Variants in CAAP1 observed in about 807,000 individuals in gnomAD.
CAAP1 encodes the protein conserved anti-apoptotic protein.
Under a neutral mutation model 34.0 loss-of-function variants are expected in CAAP1, and 20 were observed. That is an observed-to-expected ratio of 0.59 (90% CI 0.41 to 0.86). The LOEUF (loss-of-function observed/expected upper bound fraction) is 0.86, where lower values mean the gene tolerates loss of function less well. CAAP1 is among the 40% of genes least tolerant of loss of function. The pLI is 0.00. For synonymous variants in CAAP1, 213 were observed against 166.7 expected (o/e 1.28, Z -2.14); for missense variants, 538 against 450.5 (o/e 1.19, Z -1.76).
At chr9:26,892,297 A>G in intron 1 of CAAP1, 116 bp downstream of exon 1, 1 of 1,538,580 alleles carries the variant, frequency 6.5e-7, no homozygotes, top group Non-Finnish European at 8.7e-7. Flanking sequence ...AGGACGGACG[A>G]CCTTGAGATT....
rs1285752944 is a variant in CAAP1 at position 26,846,438 on chromosome 9, A to G, written c.740-3791T>C. On this transcript the variant is annotated intron_variant, in intron 5 of 5. Coordinates refer to ENST00000333916, the MANE Select transcript of CAAP1 (RefSeq NM_024828.4). ...CTCAAAAAAAAAAAAAAAAAAAAAA[A>G]AGAAGAAGAAAAAAAAGAAAAAAGA... Among the ~76,000 whole-genome samples, 707 of 140,042 alleles carry G rather than the reference A, an allele frequency of 5.0e-3. 3 individuals are homozygous for G. The highest frequency in any genetic ancestry group is 0.02 in the African/African-American group (674 of 34,140). The allele number at this position is 140,042 out of a possible 152,430, so 91.9% of individuals were successfully genotyped here.
At chr9:26,869,051 T>C (rs1823209424) in intron 4 of CAAP1, among the ~76,000 whole-genome samples, 1 of 152,142 alleles carries the variant, frequency 6.6e-6, no homozygotes, top group Non-Finnish European at 1.5e-5. Context: ...AAATGTCTAA[T>C]ATACTGAAAA....
chr9:26,844,403 ATTAACT>A (rs1159056313), intron 5 of CAAP1, among the ~76,000 whole-genome samples: 1 of 152,220 alleles, frequency 6.6e-6, no homozygotes, highest in Non-Finnish European at 1.5e-5. Context: ...GCCTCAAAAA[ATTAACT>A]TTAGTGTCTC....
At chr9:26,858,404 T>C (rs1822922373) in intron 5 of CAAP1, among the ~76,000 whole-genome samples, 1 of 152,236 alleles carries the variant, frequency 6.6e-6, no homozygotes, top group Non-Finnish European at 1.5e-5. Context: ...TTAATATTTA[T>C]CTGGAAGATG....
At chr9:26,861,399 T>C (rs903011414) in intron 4 of CAAP1, among the ~76,000 whole-genome samples, 3 of 152,174 alleles carry the variant, frequency 2.0e-5, no homozygotes, top group African/African-American at 7.2e-5. Context: ...ATGGAAGTAA[T>C]TTTTTCTCCC....
At chr9:26,884,167 C>T (rs552181121) in intron 4 of CAAP1, among the ~76,000 whole-genome samples, 1 of 152,190 alleles carries the variant, frequency 6.6e-6, no homozygotes, top group African/African-American at 2.4e-5. Flanking sequence ...TTGGAAACTA[C>T]CAAAATAGTT....
At chr9:26,889,906 A>G (rs966035443) in intron 1 of CAAP1, among the ~76,000 whole-genome samples, 7 of 151,492 alleles carry the variant, frequency 4.6e-5, no homozygotes, top group Non-Finnish European at 5.9e-5. Context: ...TCAATACACA[A>G]CAGATATAAT....
At position 26,887,324 on chromosome 9, in the gene CAAP1, C is replaced by G; in HGVS notation, c.493G>C (p.Asp165His). ...GTGTAATGAAGTACCTTTAACACAT[C>G]AGGAAGCATCTTCTGTAACTTTTTC... ...GEKKLQKMLPDVLKNCSIEEI... is the reference protein window; with the variant it reads ...GEKKLQKMLPHVLKNCSIEEI... Residue 165 changes from aspartate (D) to histidine (H), a missense_variant, in exon 2 of 6, where the codon GAT becomes CAT. This residue lies in a region of CAAP1 where 514 missense variants were observed against 408.4 expected (regional missense o/e 1.26). Coordinates refer to ENST00000333916, the MANE Select transcript of CAAP1 (RefSeq NM_024828.4). The G allele has an allele frequency of 6.3e-7, 1 of 1,595,336 alleles. No homozygotes were observed. Among genetic ancestry groups the G allele is most frequent in the East Asian group, 2.2e-5 (1 of 44,784 alleles).
At position 26,858,353 on chromosome 9, in the gene CAAP1, T is replaced by C. The variant is rs117710018; in HGVS notation, c.739+2713A>G. On this transcript the variant is annotated intron_variant, in intron 5 of 5. Coordinates refer to ENST00000333916, the MANE Select transcript of CAAP1 (RefSeq NM_024828.4). Reference sequence around the variant, plus strand: ...TCTTGATATACCTCAGCTTGTTTGGTAACTTCAAGCAAGTTACTATCTAGT... The same window carrying C: ...TCTTGATATACCTCAGCTTGTTTGGCAACTTCAAGCAAGTTACTATCTAGT... 9.1e-4 allele frequency among the ~76,000 whole-genome samples: 138 copies of C among 152,350 alleles called. 1 individual carries two copies. In the East Asian group the frequency reaches 0.025, roughly 28 times the overall value.
At chr9:26,864,268 T>A (rs546347683) in intron 4 of CAAP1, among the ~76,000 whole-genome samples, 33 of 152,258 alleles carry the variant, frequency 2.2e-4, no homozygotes, top group South Asian at 2.1e-4. Context: ...ATGATTTTTT[T>A]AAAATCAGAG....
chr9:26,887,219 C>A (rs1462990117), intron 2 of CAAP1, 94 bp downstream of exon 2: 1 of 801,894 alleles, frequency 1.2e-6, no homozygotes, highest in Non-Finnish European at 1.9e-6. Context: ...CTCAAAAAAA[C>A]AAACAAACAA....
At chr9:26,857,049 T>C (rs1822886398) in intron 5 of CAAP1, among the ~76,000 whole-genome samples, 1 of 152,246 alleles carries the variant, frequency 6.6e-6, no homozygotes, top group South Asian at 2.1e-4. Context: ...AGATACTTGA[T>C]ATTTTAAAAA....
intron 4 of CAAP1, among the ~76,000 whole-genome samples, chr9:26,862,374 T>C (rs186342296): frequency 6.6e-6 from 1 of 152,068 alleles, no homozygotes; most frequent in Admixed American, 6.5e-5. Flanking sequence ...CATCCTAGAA[T>C]TGCATTTAAT....
rs1587128569 is a variant in CAAP1 at position 26,885,942 on chromosome 9, A to G, written c.589+162T>C. ...TCTATTCTTGAAACGCTTTTCTGAT[A>G]TGTAAACTATATTTTTTAGTGCAAA... On this transcript the variant is annotated intron_variant, in intron 3 of 5. Transcript: ENST00000333916. Among the ~76,000 whole-genome samples the G allele has an allele frequency of 2.6e-5, 4 of 152,298 alleles. No individual in the cohort carries two copies. In the South Asian group the frequency reaches 8.3e-4, roughly 32 times the overall value.
chr9:26,887,175 A>G, intron 2 of CAAP1, 138 bp downstream of exon 2: 1 of 546,584 alleles, frequency 1.8e-6, no homozygotes, highest in Non-Finnish European at 3.1e-6. Flanking sequence ...TCACGCCACC[A>G]CACTCCAGCC....
intron 4 of CAAP1, among the ~76,000 whole-genome samples, chr9:26,874,233 A>AAT (rs1823365028): frequency 2.8e-5 from 4 of 141,004 alleles, no homozygotes; most frequent in African/African-American, 1.0e-4. Context: ...AAAAAAAAAA[A>AAT]TTTTTTTTAC....
intron 4 of CAAP1, among the ~76,000 whole-genome samples, chr9:26,862,151 C>T (rs1045464507): frequency 2.6e-5 from 4 of 152,196 alleles, no homozygotes; most frequent in Non-Finnish European, 4.4e-5. Context: ...AGATTTTATT[C>T]GTTCACCAGA....
chr9:26,842,619 A>G lies in CAAP1; in HGVS notation c.768T>C (p.Ser256=), dbSNP rs747213165. Reference sequence around the variant, plus strand: ...CGCTGTCATAAGCATCTGCATTTATACTGAGTACATCACTATCTTCCCCTT... The same window carrying G: ...CGCTGTCATAAGCATCTGCATTTATGCTGAGTACATCACTATCTTCCCCTT... ...QGKGEDSDVL[S]INADAYDSDI... is the part of the protein sequence containing the mutation. Residue 256 remains serine (S), a synonymous_variant, in exon 6 of 6, where the codon AGT becomes AGC. Transcript: ENST00000333916. 1.9e-6 allele frequency: 3 copies of G among 1,613,372 alleles called. No homozygotes were observed. Among genetic ancestry groups the G allele is most frequent in the Non-Finnish European group, 2.5e-6 (3 of 1,179,738 alleles).
chr9:26,854,051 G>A (rs1272197044), intron 5 of CAAP1, among the ~76,000 whole-genome samples: 1 of 152,098 alleles, frequency 6.6e-6, no homozygotes, highest in Non-Finnish European at 1.5e-5. Context: ...TACAAGTTAC[G>A]TAAAGGCATA....
Sources: allele counts gnomAD v4.1 joint callset (sites outside exome capture counted in the v4.1 genomes callset), GRCh38; gene constraint gnomAD v4.1.1; regional missense constraint gnomAD v4.1.1; transcripts MANE v1.5; gene names NCBI Gene and HGNC (gene_info 2026-07-23, HGNC 2026-07-21).